Variants in PTPN3 observed in about 807,000 individuals in gnomAD.
PTPN3 encodes tyrosine-protein phosphatase non-receptor type 3.
A neutral mutation model predicts 132.7 loss-of-function variants in PTPN3; 96 were observed. The ratio of observed to expected loss-of-function variants is 0.72; its 90% CI spans 0.61 to 0.86. PTPN3 has a LOEUF of 0.86. Among genes scored for constraint, PTPN3 ranks in the 40% least tolerant of loss-of-function variants. The pLI is 0.00. For missense variants in PTPN3, 1,125 were observed against 1,159.6 expected, an observed-to-expected ratio of 0.97 and a Z score of 0.43; for synonymous variants, 398 against 429.0, an observed-to-expected ratio of 0.93 and a Z score of 0.89.
At chr9:109,440,816 G>A (rs551964869) in intron 7 of PTPN3, among the ~76,000 whole-genome samples, 1 of 152,162 alleles carries the variant, frequency 6.6e-6, no homozygotes, top group Non-Finnish European at 1.5e-5. Context: ...TCTGAGCTTC[G>A]AACACAACCA....
intron 16 of PTPN3, among the ~76,000 whole-genome samples, chr9:109,408,656 C>T (rs1014555609): frequency 2.0e-5 from 3 of 151,880 alleles, no homozygotes; most frequent in Non-Finnish European, 1.5e-5. Context: ...CTAACAGATA[C>T]ACTCAGAGAG....
At chr9:109,385,725 A>T (rs1317841551) in intron 22 of PTPN3, among the ~76,000 whole-genome samples, 1 of 152,248 alleles carries the variant, frequency 6.6e-6, no homozygotes. Flanking sequence ...ACTTCTGGAG[A>T]AGTTGTCAAT....
intron 22 of PTPN3, among the ~76,000 whole-genome samples, chr9:109,387,957 C>T (rs1360664090): frequency 6.6e-6 from 1 of 152,110 alleles, no homozygotes; most frequent in African/African-American, 2.4e-5. Context: ...GGGAAGTGTC[C>T]TACTGACCGC....
chr9:109,526,349 TTTTA>T, the PTPN3 span, among the ~76,000 whole-genome samples: 2 of 152,196 alleles, frequency 1.3e-5, no homozygotes, highest in African/African-American at 4.8e-5. Context: ...TTTTTTTTTT[TTTTA>T]AAGTGGAAAT....
At position 109,378,662 on chromosome 9, in the gene PTPN3, A is replaced by T. The variant is rs534082797; in HGVS notation, c.*894T>A. 6.6e-6 allele frequency: 1 copy of T among 152,600 alleles called. No individual in the cohort carries two copies. 9.5% of individuals were successfully genotyped at this position (152,600 alleles called of 1,614,324 possible). On this transcript the variant is annotated 3_prime_UTR_variant, in exon 26 of 26. Transcript: ENST00000374541. The stretch of plus-strand genomic sequence containing the variant: ...CAAACATTCGGAATATTTAGATGAC[A>T]CTGTCCCATCTCCCCTTGGGAAAAT...
chr9:109,426,885 C>T (rs1316004291), intron 12 of PTPN3, 65 bp downstream of exon 12: 1 of 1,491,962 alleles, frequency 6.7e-7, no homozygotes, highest in Non-Finnish European at 9.2e-7. Context: ...GTCCTCTATT[C>T]ACTGATGACC....
chr9:109,422,890 G>A (rs752379663), intron 12 of PTPN3, 38 bp from the exon 13 acceptor site: 26 of 1,598,364 alleles, frequency 1.6e-5, no homozygotes, highest in Admixed American at 5.0e-5. Flanking sequence ...CTACACTGAC[G>A]TTCAACAGGA....
intron 14 of PTPN3, among the ~76,000 whole-genome samples, chr9:109,418,886 G>C (rs958775751): frequency 6.6e-6 from 1 of 152,252 alleles, no homozygotes; most frequent in South Asian, 2.1e-4. Context: ...CGCAGCAGGT[G>C]TGAGTGGGCT....
At chr9:109,399,046 G>A (rs760456117) in intron 19 of PTPN3, among the ~76,000 whole-genome samples, 2 of 152,178 alleles carry the variant, frequency 1.3e-5, no homozygotes, top group Non-Finnish European at 2.9e-5. Context: ...CCACCAAACT[G>A]CTCCCATTGA....
intron 10 of PTPN3, among the ~76,000 whole-genome samples, chr9:109,432,355 T>G (rs765376796): frequency 6.6e-6 from 1 of 152,106 alleles, no homozygotes; most frequent in Non-Finnish European, 1.5e-5. Flanking sequence ...AAACTCCGTG[T>G]TTTTTCCCCG....
In PTPN3 at chr9:109,439,026, C is replaced by G. The variant is rs148110243; in HGVS notation, c.467-792G>C. Among the ~76,000 whole-genome samples the G allele has an allele frequency of 1.9e-3, 285 of 152,308 alleles. 2 individuals are homozygous for G. The highest frequency in any genetic ancestry group is 3.3e-3 in the Non-Finnish European group (222 of 68,034). ...GCAAAATGGTACTGCTCCCTTGAGA[C>G]CCTTGACTGTTGTCTGCCAATGTGA... On this transcript the variant is annotated intron_variant, in intron 7 of 25. Coordinates refer to ENST00000374541, the MANE Select transcript of PTPN3 (RefSeq NM_002829.4).
rs1451362765 is a variant in PTPN3 at position 109,408,385 on chromosome 9, C to T, written c.1579-8G>A. 3 of 1,576,660 alleles carry T rather than the reference C, an allele frequency of 1.9e-6. No homozygotes were observed. The African/African-American group carries it at 4.1e-5, about 21-fold the overall frequency. On this transcript the variant is annotated splice_region_variant and splice_polypyrimidine_tract_variant and intron_variant, in intron 16 of 25. Transcript: ENST00000374541. ...CTTTTGATCCACTCCTCCCTGTAAA[C>T]ATTTTAAAATAAAAACAAAACAAAG...
At chr9:109,529,821 A>C in the PTPN3 span, among the ~76,000 whole-genome samples, 720 of 152,302 alleles carry the variant, frequency 4.7e-3, 4 homozygotes, top group African/African-American at 0.017. Flanking sequence ...ATCATCTAAC[A>C]GATTTTTAAA....
chr9:109,466,881 G>T (rs1273580434), intron 1 of PTPN3, among the ~76,000 whole-genome samples: 3 of 152,164 alleles, frequency 2.0e-5, no homozygotes, highest in Admixed American at 2.0e-4. Context: ...GGTGTAGAAA[G>T]AGAAACCGCA....
intron 8 of PTPN3, 139 bp downstream of exon 8, chr9:109,437,975 C>T (rs1293195727): frequency 1.9e-6 from 2 of 1,076,920 alleles, no homozygotes; most frequent in Non-Finnish European, 2.6e-6. Context: ...ACCATACCAG[C>T]TCAAAGGTTC....
At chr9:109,402,312 G>C (rs902282836) in intron 19 of PTPN3, among the ~76,000 whole-genome samples, 10 of 151,724 alleles carry the variant, frequency 6.6e-5, no homozygotes, top group African/African-American at 2.2e-4. Flanking sequence ...TATTTTTTGT[G>C]AGATGGAGTC....
chr9:109,416,998 G>C (rs983227710), intron 14 of PTPN3, among the ~76,000 whole-genome samples: 1 of 152,148 alleles, frequency 6.6e-6, no homozygotes, highest in Admixed American at 6.5e-5. Flanking sequence ...TTTCTTTAGG[G>C]AACATTCTCT....
chr9:109,489,976 G>A (rs1847382235), intron 1 of PTPN3, among the ~76,000 whole-genome samples: 1 of 152,014 alleles, frequency 6.6e-6, no homozygotes, highest in African/African-American at 2.4e-5. Context: ...GAGGTCAGGA[G>A]TTCTAGACCA....
chr9:109,443,287 T>C (rs1564446978), intron 7 of PTPN3, among the ~76,000 whole-genome samples: 1 of 151,940 alleles, frequency 6.6e-6, no homozygotes, highest in Non-Finnish European at 1.5e-5. Context: ...GTGTTGCCCA[T>C]GCCAGTCTCG....
Sources: gnomAD v4.1 joint callset for allele counts (sites outside exome capture counted in the v4.1 genomes callset) on GRCh38, gnomAD v4.1.1 for gene constraint, MANE v1.5 for transcripts, NCBI Gene and HGNC (gene_info 2026-07-23, HGNC 2026-07-21) for gene names.